ZBTB20: variants seen among roughly 807,000 people sequenced by gnomAD.
ZBTB20 encodes the protein zinc finger and BTB domain containing 20, also known as zinc finger and BTB domain-containing protein 20.
ZBTB20 carries 9 observed loss-of-function variants against 56.9 expected under a neutral mutation model. The observed-to-expected ratio is 0.16, with a 90% CI of 0.10 to 0.28. ZBTB20 has a LOEUF of 0.28. ZBTB20 is among the 10% of genes least tolerant of loss of function. The pLI is 1.00. For synonymous variants in ZBTB20, 417 were observed against 420.7 expected (o/e 0.99, Z 0.11); for missense variants, 655 against 1,003.0 (o/e 0.65, Z 4.69).
intron 6 of ZBTB20, among the ~76,000 whole-genome samples, chr3:114,584,444 C>T (rs1026567749): frequency 2.0e-5 from 3 of 151,882 alleles, no homozygotes; most frequent in Non-Finnish European, 2.9e-5. Flanking sequence ...TGTTCATTCA[C>T]GTATTTCCTT....
intron 3 of ZBTB20, among the ~76,000 whole-genome samples, chr3:114,962,337 CT>C (rs2077485554): frequency 6.6e-6 from 1 of 152,112 alleles, no homozygotes; most frequent in African/African-American, 2.4e-5. Context: ...GAACCCCACC[CT>C]GGTGAAGTAA....
rs139710595 is a variant in ZBTB20, at chr3:114,352,446, A to G, written c.200-568T>C. 4.4e-3 allele frequency among the ~76,000 whole-genome samples: 677 copies of G among 152,264 alleles called. 6 individuals are homozygous for G. The highest frequency in any genetic ancestry group is 0.016 in the African/African-American group (653 of 41,552). ...GTCATATGGCATATTATCAAAACCC[A>G]CACCATGTATGCAAAAATTATTGGA... is the stretch of plus-strand genomic sequence containing the variant. On this transcript the variant is annotated intron_variant, in intron 10 of 11. Coordinates refer to ENST00000675478, the MANE Select transcript of ZBTB20 (RefSeq NM_001348800.3).
At chr3:114,563,209 T>C (rs2052315147) in intron 6 of ZBTB20, among the ~76,000 whole-genome samples, 1 of 152,234 alleles carries the variant, frequency 6.6e-6, no homozygotes, top group African/African-American at 2.4e-5. Flanking sequence ...CTTTGTCTAT[T>C]TGACAAAACT....
intron 6 of ZBTB20, among the ~76,000 whole-genome samples, chr3:114,632,435 G>A (rs2059009327): frequency 6.6e-6 from 1 of 152,112 alleles, no homozygotes; most frequent in African/African-American, 2.4e-5. Context: ...ATTCAGGCAG[G>A]CAAGTCCATT....
chr3:115,085,443 C>A (rs2108555141), intron 1 of ZBTB20, among the ~76,000 whole-genome samples: 2 of 151,998 alleles, frequency 1.3e-5, no homozygotes, highest in Middle Eastern at 6.8e-3. Context: ...CACCAGGGAA[C>A]CTAACTCTCA....
At chr3:114,964,020 C>T (rs974297020) in intron 3 of ZBTB20, among the ~76,000 whole-genome samples, 6 of 152,110 alleles carry the variant, frequency 3.9e-5, no homozygotes, top group Non-Finnish European at 7.4e-5. Flanking sequence ...ATTTAGTAAA[C>T]ATTTATTGAG....
chr3:114,550,649 T>C (rs2050458651), intron 6 of ZBTB20, among the ~76,000 whole-genome samples: 1 of 152,216 alleles, frequency 6.6e-6, no homozygotes, highest in South Asian at 2.1e-4. Context: ...TAATTTCTTA[T>C]TTTCTGGTTC....
At chr3:115,004,976 CAG>C (rs1422356687) in intron 2 of ZBTB20, among the ~76,000 whole-genome samples, 2 of 151,180 alleles carry the variant, frequency 1.3e-5, no homozygotes, top group Non-Finnish European at 3.0e-5. Context: ...AAATGTTAAA[CAG>C]AGTTACTAAA....
chr3:114,682,517 C>A (rs1189038944), intron 6 of ZBTB20, among the ~76,000 whole-genome samples: 2 of 152,170 alleles, frequency 1.3e-5, no homozygotes, highest in Non-Finnish European at 2.9e-5. Context: ...TCATCTCTAA[C>A]CTACTGTGTT....
chr3:115,136,148 T>C (rs1264244987), intron 1 of ZBTB20, among the ~76,000 whole-genome samples: 4 of 152,272 alleles, frequency 2.6e-5, no homozygotes, highest in East Asian at 3.9e-4. Flanking sequence ...TTCTGAATCA[T>C]GGTAAATGTA....
At position 114,351,203 on chromosome 3, in the gene ZBTB20, T is replaced by C; in HGVS notation, c.875A>G (p.His292Arg). 2 of 1,602,080 alleles carry C rather than the reference T, an allele frequency of 1.2e-6. No individual in the cohort carries two copies. Among genetic ancestry groups the C allele is most frequent in the Non-Finnish European group, 1.7e-6 (2 of 1,179,634 alleles). Residue 292 changes from histidine to arginine, a missense_variant, in exon 11 of 12, where the codon CAT becomes CGT. Transcript: ENST00000675478. The part of the protein sequence containing the change: ...MEDPSWITRI[H>R]ERSQQMERYL... ...GCGCTCCATCTGCTGCGAGCGCTCA[T>C]GGATGCGTGTGATCCAGCTGGGGTC...
chr3:114,493,821 G>T lies in ZBTB20; in HGVS notation c.-255+6531C>A, dbSNP rs558211006. Among the ~76,000 whole-genome samples the T allele has an allele frequency of 2.0e-5, 3 of 152,264 alleles. No individual in the cohort carries two copies. The South Asian group carries it at 6.2e-4, about 32-fold the overall frequency. On this transcript the variant is annotated intron_variant, in intron 7 of 11. Transcript: ENST00000675478. ...TACAAGTTATATTGTGAGACCATTT[G>T]CTTAGTATCTGTCTTACATTCCCCA...
chr3:114,348,463 T>C (rs1028389848), intron 11 of ZBTB20, among the ~76,000 whole-genome samples: 1 of 152,266 alleles, frequency 6.6e-6, no homozygotes, highest in African/African-American at 2.4e-5. Flanking sequence ...TCTTGTGATT[T>C]ACCTCTGGTT....
intron 4 of ZBTB20, among the ~76,000 whole-genome samples, chr3:114,875,089 C>T (rs1257978242): frequency 6.6e-6 from 1 of 152,072 alleles, no homozygotes; most frequent in Non-Finnish European, 1.5e-5. Context: ...GGAATGACTG[C>T]CGTGACTACC....
chr3:114,888,273 A>G (rs1013349003), intron 4 of ZBTB20, among the ~76,000 whole-genome samples: 5 of 151,890 alleles, frequency 3.3e-5, no homozygotes, highest in Non-Finnish European at 5.9e-5. Flanking sequence ...AAATTTAAAC[A>G]TCTGCTGAGC....
chr3:114,548,002 T>A (rs1043495113), intron 6 of ZBTB20, among the ~76,000 whole-genome samples: 2 of 152,250 alleles, frequency 1.3e-5, no homozygotes, highest in Admixed American at 1.3e-4. Flanking sequence ...TACTTGGATA[T>A]CTTCCTTTTC....
chr3:115,145,258 T>G (rs2084929339), intron 1 of ZBTB20, among the ~76,000 whole-genome samples: 3 of 152,146 alleles, frequency 2.0e-5, no homozygotes, highest in African/African-American at 7.2e-5. Flanking sequence ...TAATTTTTTT[T>G]CTTTCACTAG....
intron 4 of ZBTB20, among the ~76,000 whole-genome samples, chr3:114,814,752 A>G (rs2072797840): frequency 6.6e-6 from 1 of 152,224 alleles, no homozygotes; most frequent in African/African-American, 2.4e-5. Flanking sequence ...GGCATATAAC[A>G]TAGAGCAGAC....
intron 5 of ZBTB20, among the ~76,000 whole-genome samples, chr3:114,729,956 A>ATTTTTTTTTTTTTTT (rs1229757252): frequency 8.4e-6 from 1 of 119,452 alleles, no homozygotes. Flanking sequence ...CATCCGGCTA[A>ATTTTTTTTTTTTTTT]TTTTTTTTTT....
Sources: gnomAD v4.1 joint callset for allele counts (sites outside exome capture counted in the v4.1 genomes callset) on GRCh38, gnomAD v4.1.1 for gene constraint, MANE v1.5 for transcripts, NCBI Gene and HGNC (gene_info 2026-07-23, HGNC 2026-07-21) for gene names.